TSR3: variants seen among roughly 807,000 people sequenced by gnomAD.
TSR3 encodes TSR3 ribosome maturation factor, also known as 18S rRNA aminocarboxypropyltransferase.
A neutral mutation model predicts 28.1 loss-of-function variants in TSR3; 31 were observed. The ratio of observed to expected loss-of-function variants is 1.10; its 90% CI spans 0.83 to 1.49. The LOEUF is 1.49. Ranked by LOEUF, TSR3 falls within the 40% of genes most tolerant of loss-of-function variation. The probability of loss-of-function intolerance (pLI) is 0.00; values close to 1 mark genes in which losing one functional copy is unlikely to be tolerated. For synonymous variants in TSR3, 219 were observed against 197.2 expected, an observed-to-expected ratio of 1.11 and a Z score of -0.93; for missense variants, 511 against 444.0, an observed-to-expected ratio of 1.15 and a Z score of -1.36.
chr16:1,349,522 TCA>T lies in TSR3; in HGVS notation c.852_853del (p.Cys284Ter). ...CCCCCGTCCCTGCGTCTGCTCCTCT[TCA>T]CAGCAGCTGCTGCTGGCTCCTCCGC... On this transcript the variant is annotated stop_gained and frameshift_variant, in exon 6 of 6. Coordinates refer to ENST00000007390, the MANE Select transcript of TSR3 (RefSeq NM_001001410.3). LOFTEE classifies it low-confidence loss of function (END_TRUNC). The T allele has an allele frequency of 6.2e-7, 1 of 1,613,448 alleles. No individual in the cohort carries two copies. The highest frequency in any genetic ancestry group is 8.5e-7 in the Non-Finnish European group (1 of 1,179,992).
rs776466792 is a variant in TSR3, at chr16:1,351,743, G to C, written c.62C>G (p.Pro21Arg). ...GAEGGRPRHLPTRSLEAFAEE... is the reference protein window; with the variant it reads ...GAEGGRPRHLRTRSLEAFAEE... ...GGCGAAGGCCTCCAGGGAGCGCGTC[G>C]GGAGGTGCCGAGGGCGGCCGCCTTC... The change falls in exon 1 of 6, where the codon CCG (proline) becomes CGG (arginine). Residue 21 changes from proline to arginine, a missense_variant. Pro to Arg is a moderately radical substitution (Grantham distance 103, BLOSUM62 -2). Transcript: ENST00000007390. The C allele has an allele frequency of 1.2e-4, 170 of 1,361,964 alleles. 3 individuals are homozygous for C. The South Asian group carries it at 2.8e-3, about 22-fold the overall frequency. The allele number at this position is 1,361,964 out of a possible 1,614,324, so 84.4% of individuals were successfully genotyped here. A position where few individuals can be genotyped will look rare whatever the true frequency, so the allele number is the denominator to read the frequency against.
rs1401843444 is a variant in TSR3, at chr16:1,350,043, C to T, written c.703+15G>A. ...GGCTTTGGAGGGCCTTGGTTCCCAC[C>T]CCGCCAAGGCTCACCGATCTCCTCC... On this transcript the variant is annotated intron_variant, in intron 4 of 5. Coordinates refer to ENST00000007390, the MANE Select transcript of TSR3 (RefSeq NM_001001410.3). The T allele has an allele frequency of 6.2e-7, 1 of 1,607,476 alleles. No homozygotes were observed. Among genetic ancestry groups the T allele is most frequent in the Admixed American group, 1.7e-5 (1 of 59,642 alleles).
chr16:1,349,686 C>T, intron 5 of TSR3, 78 bp from the exon 6 acceptor site: 1 of 1,502,876 alleles, frequency 6.7e-7, no homozygotes, highest in East Asian at 2.3e-5. Flanking sequence ...ACAAAAAGCC[C>T]CCAGCCGAGG....
intron 2 of TSR3, among the ~76,000 whole-genome samples, 185 bp from the exon 3 acceptor site, chr16:1,351,185 C>G (rs576621486): frequency 8.5e-5 from 13 of 152,352 alleles, no homozygotes; most frequent in African/African-American, 2.2e-4. Flanking sequence ...TGTTTATTCA[C>G]TCAACAAACG....
At position 1,349,497 on chromosome 16, in the gene TSR3, C is replaced by A. The variant is rs1489445532; in HGVS notation, c.879G>T (p.Gly293=). The A allele has an allele frequency of 8.1e-6, 13 of 1,613,654 alleles. No homozygotes were observed. Among genetic ancestry groups the A allele is most frequent in the East Asian group, 2.2e-5 (1 of 44,902 alleles). The stretch of plus-strand genomic sequence containing the variant: ...CCTCAGCCGGGGCCCTGGCCTCAGC[C>A]CCCCGTCCCTGCGTCTGCTCCTCTT... ...CCEEEQTQGR[G]AEARAPAEVW... Residue 293 remains glycine, a synonymous_variant, in exon 6 of 6, where the codon GGG becomes GGT. Coordinates refer to ENST00000007390, the MANE Select transcript of TSR3 (RefSeq NM_001001410.3).
chr16:1,350,057 C>T lies in TSR3; in HGVS notation c.703+1G>A, dbSNP rs1328558454. ...TTGGTTCCCACCCCGCCAAGGCTCA[C>T]CGATCTCCTCCTCCTGGGGGCTCTC... On this transcript the variant is annotated splice_donor_variant, in intron 4 of 5. Transcript: ENST00000007390. LOFTEE classifies it high-confidence loss of function. The T allele has an allele frequency of 9.3e-6, 15 of 1,607,540 alleles. No individual in the cohort carries two copies. The highest frequency in any genetic ancestry group is 1.3e-5 in the Non-Finnish European group (15 of 1,176,024).
At position 1,351,712 on chromosome 16, in the gene TSR3, C is replaced by T; in HGVS notation, c.93G>A (p.Glu31=). 7.3e-7 allele frequency: 1 copy of T among 1,373,492 alleles called. No individual in the cohort carries two copies. Among genetic ancestry groups the T allele is most frequent in the East Asian group, 3.1e-5 (1 of 32,216 alleles). The allele number at this position is 1,373,492 out of a possible 1,614,324, so 85.1% of individuals were successfully genotyped here. A position where few individuals can be genotyped will look rare whatever the true frequency, so the allele number is the denominator to read the frequency against. ...GCTCACCCTGCAGCGCGGCGCCGAC[C>T]TCCTCGGCGAAGGCCTCCAGGGAGC... ...PTRSLEAFAE[E]VGAALQASVE... is the part of the protein sequence containing the mutation. The change falls in exon 1 of 6, where the codon GAG becomes GAA. Residue 31 remains glutamate, a synonymous_variant. Transcript: ENST00000007390.
At position 1,349,432 on chromosome 16, in the gene TSR3, A is replaced by C. The variant is rs1303678021; in HGVS notation, c.*5T>G. On this transcript the variant is annotated 3_prime_UTR_variant, in exon 6 of 6. Coordinates refer to ENST00000007390, the MANE Select transcript of TSR3 (RefSeq NM_001001410.3). ...CAGCCTCAAAAATATATGTGTCTGC[A>C]ACCCTCAGTCTCTCTGCCGTTTCTT... 3.1e-6 allele frequency: 5 copies of C among 1,613,528 alleles called. No individual in the cohort carries two copies. The Admixed American group carries it at 5.0e-5, about 16-fold the overall frequency.
In TSR3 at chr16:1,349,914, G is replaced by A; in HGVS notation, c.742C>T (p.Pro248Ser). Residue 248 changes from proline (P) to serine (S), a missense_variant, in exon 5 of 6, where the codon CCC becomes TCC. Physicochemically the swap from Pro to Ser is moderately conservative, Grantham distance 74. Coordinates refer to ENST00000007390, the MANE Select transcript of TSR3 (RefSeq NM_001001410.3). ...CGGGTGCTGGCCACAGGCCTGTTGG[G>A]GTTTCCAAACTCTCTCCCTGAATCC... is the stretch of plus-strand genomic sequence containing the variant. ...DVDSGREFGN[P>S]NRPVASTRLP... 1 of 1,613,692 alleles carries A rather than the reference G, an allele frequency of 6.2e-7. No homozygotes were observed. Among genetic ancestry groups the A allele is most frequent in the Non-Finnish European group, 8.5e-7 (1 of 1,180,020 alleles).
At chr16:1,350,720 G>C (rs1462435951) in intron 3 of TSR3, 87 bp downstream of exon 3, 1 of 1,445,748 alleles carries the variant, frequency 6.9e-7, no homozygotes, top group African/African-American at 1.4e-5. Flanking sequence ...GCTCCTCCTG[G>C]GGTCTGTCGG....
rs2034679783 is a variant in TSR3 at position 1,351,484 on chromosome 16, CG to C, written c.226del (p.Arg76AlafsTer23). ...CACCAGCCCCAGGCGGGCCAGCTTG[CG>C]GCCCGTGCAGCGCCGGGGGTCGCAG... ...GHCDPRRCTG[R>X]KLARLGLVRC... is the part of the protein sequence containing the mutation. On this transcript the variant is annotated frameshift_variant, in exon 2 of 6. Coordinates refer to ENST00000007390, the MANE Select transcript of TSR3 (RefSeq NM_001001410.3). LOFTEE classifies it high-confidence loss of function. The C allele has an allele frequency of 7.6e-6, 12 of 1,575,528 alleles. No individual in the cohort carries two copies. The East Asian group carries it at 2.5e-4, about 33-fold the overall frequency.
chr16:1,349,314 G>C lies in TSR3; in HGVS notation c.*123C>G, dbSNP rs1341271103. 1.1e-5 allele frequency: 12 copies of C among 1,090,750 alleles called. No homozygotes were observed. Among genetic ancestry groups the C allele is most frequent in the Non-Finnish European group, 1.7e-5 (12 of 711,530 alleles). The allele number at this position is 1,090,750 out of a possible 1,614,324, so 67.6% of individuals were successfully genotyped here. A position where few individuals can be genotyped will look rare whatever the true frequency, so the allele number is the denominator to read the frequency against. On this transcript the variant is annotated 3_prime_UTR_variant, in exon 6 of 6. Coordinates refer to ENST00000007390, the MANE Select transcript of TSR3 (RefSeq NM_001001410.3). ...CACAGCTGTGCTGGAAGTGTGGGGAGAACCCGGACAGCTCAGTCCTGCCAG... is the reference window on the plus strand; with the variant it reads ...CACAGCTGTGCTGGAAGTGTGGGGACAACCCGGACAGCTCAGTCCTGCCAG...
intron 3 of TSR3, 139 bp from the exon 4 acceptor site, chr16:1,350,373 C>T (rs1346107770): frequency 2.2e-6 from 2 of 919,540 alleles, no homozygotes; most frequent in Non-Finnish European, 3.2e-6. Context: ...GTCCTGAGAA[C>T]CCGTGCTGCC....
At chr16:1,349,753 C>T in intron 5 of TSR3, 136 bp downstream of exon 5, 1 of 1,371,734 alleles carries the variant, frequency 7.3e-7, no homozygotes, top group Non-Finnish European at 1.0e-6. Context: ...GTGGGACATG[C>T]ACTGCAGGTT....
chr16:1,349,442 C>G lies in TSR3; in HGVS notation c.934G>C (p.Asp312His). The change falls in exon 6 of 6, where the codon GAC (aspartate) becomes CAC (histidine). Residue 312 changes from aspartate (D) to histidine (H), a missense_variant. Physicochemically the swap from Asp to His is moderately conservative, Grantham distance 81. Coordinates refer to ENST00000007390, the MANE Select transcript of TSR3 (RefSeq NM_001001410.3). ...AATATATGTGTCTGCAACCCTCAGT[C>G]TCTCTGCCGTTTCTTGATTCCTTTC... Reference protein sequence around the residue: ...VWKGIKKRQRD With the variant: ...VWKGIKKRQRH The G allele has an allele frequency of 6.2e-7, 1 of 1,613,608 alleles. No homozygotes were observed.
Position 1,351,531 on chromosome 16 carries a change from C to T in TSR3, c.180G>A (p.Leu60=). 6.6e-7 allele frequency: 1 copy of T among 1,520,206 alleles called. No individual in the cohort carries two copies. Among genetic ancestry groups the T allele is most frequent in the Non-Finnish European group, 8.8e-7 (1 of 1,140,944 alleles). 94.2% of individuals were successfully genotyped at this position (1,520,206 alleles called of 1,614,324 possible). A position where few individuals can be genotyped will look rare whatever the true frequency, so the allele number is the denominator to read the frequency against. ...GPGPAALPCT[L]AMWELGHCDP... is the part of the protein sequence containing the mutation. ...CGCAGTGGCCCAACTCCCACATGGC[C>T]AGCGTGCAGGGCAGCGCCGCCGGGC... is the stretch of plus-strand genomic sequence containing the variant. Residue 60 remains leucine, a synonymous_variant, in exon 2 of 6, where the codon CTG becomes CTA. Coordinates refer to ENST00000007390, the MANE Select transcript of TSR3 (RefSeq NM_001001410.3).
chr16:1,349,697 A>T (rs896328002), intron 5 of TSR3, 89 bp from the exon 6 acceptor site: 3 of 1,474,142 alleles, frequency 2.0e-6, no homozygotes, highest in Non-Finnish European at 2.7e-6. Flanking sequence ...CCAGCCGAGG[A>T]CAGATTCCTC....
chr16:1,349,985 A>G (rs1168317152), intron 4 of TSR3, 33 bp from the exon 5 acceptor site: 17 of 1,612,668 alleles, frequency 1.1e-5, no homozygotes, highest in African/African-American at 2.7e-5. Context: ...CCTCTAAGTG[A>G]GCTCAGAGCA....
At position 1,350,999 on chromosome 16, in the gene TSR3, G is replaced by A; in HGVS notation, c.334C>T (p.Gln112Ter). Residue 112 changes from glutamine (Q) to a stop codon, truncating the protein, a stop_gained and splice_region_variant, in exon 3 of 6, where the codon CAG becomes TAG. Coordinates refer to ENST00000007390, the MANE Select transcript of TSR3 (RefSeq NM_001001410.3). LOFTEE classifies it high-confidence loss of function. ...GCGACCCCAGACTGCGCCACCAGCTGTCTGCCAGGGACAGCATGGGATAAG... is the reference window on the plus strand; with the variant it reads ...GCGACCCCAGACTGCGCCACCAGCTATCTGCCAGGGACAGCATGGGATAAG... ...GKQYASPADR[Q>*]LVAQSGVAVI... 1.9e-6 allele frequency: 3 copies of A among 1,611,414 alleles called. No homozygotes were observed. The highest frequency in any genetic ancestry group is 2.5e-6 in the Non-Finnish European group (3 of 1,179,712).
Sources: gnomAD v4.1 joint callset for allele counts (sites outside exome capture counted in the v4.1 genomes callset) on GRCh38, gnomAD v4.1.1 for gene constraint, MANE v1.5 for transcripts, NCBI Gene and HGNC (gene_info 2026-07-23, HGNC 2026-07-21) for gene names.